CSMD1: variants seen among roughly 807,000 people sequenced by gnomAD.
CSMD1 encodes CUB and sushi domain-containing protein 1.
CSMD1 carries 213 observed loss-of-function variants against 417.5 expected under a neutral mutation model. The ratio of observed to expected loss-of-function variants is 0.51; its 90% CI spans 0.46 to 0.57. The LOEUF (loss-of-function observed/expected upper bound fraction) is 0.57, where lower values mean the gene tolerates loss of function less well. CSMD1 is among the 20% of genes least tolerant of loss of function. CSMD1 has a pLI of 0.00. For missense variants in CSMD1, 6,923 were observed against 4,529.7 expected (o/e 1.53, Z -15.17); for synonymous variants, 2,862 against 1,736.8 (o/e 1.65, Z -16.11).
chr8:4,350,264 C>T (rs188550852), intron 3 of CSMD1, among the ~76,000 whole-genome samples: 2 of 152,152 alleles, frequency 1.3e-5, no homozygotes, highest in African/African-American at 4.8e-5. Flanking sequence ...GGAAGCCTCA[C>T]TCTAGGGGAC....
At chr8:4,172,152 G>A (rs952038753) in intron 3 of CSMD1, among the ~76,000 whole-genome samples, 2 of 152,050 alleles carry the variant, frequency 1.3e-5, no homozygotes, top group Admixed American at 1.3e-4. Flanking sequence ...TGAAAAGATG[G>A]ACCTAAGAGA....
At chr8:3,069,878 G>A (rs908573879) in intron 49 of CSMD1, among the ~76,000 whole-genome samples, 9 of 152,220 alleles carry the variant, frequency 5.9e-5, no homozygotes, top group Admixed American at 2.6e-4. Context: ...TGGATACCCA[G>A]GGTTTTTCAT....
intron 5 of CSMD1, among the ~76,000 whole-genome samples, chr8:3,954,170 T>TTC (rs1220892670): frequency 5.3e-5 from 8 of 152,082 alleles, no homozygotes; most frequent in Admixed American, 1.3e-4. Context: ...ACTTCAGCCC[T>TTC]TGCATCCTCA....
intron 1 of CSMD1, among the ~76,000 whole-genome samples, chr8:4,972,707 G>A (rs578076834): frequency 7.0e-6 from 1 of 142,170 alleles, no homozygotes; most frequent in Non-Finnish European, 1.6e-5. Flanking sequence ...TAAAACTTTT[G>A]CTTTAGGTAA....
chr8:4,232,380 G>C (rs1012690149), intron 3 of CSMD1, among the ~76,000 whole-genome samples: 1 of 152,066 alleles, frequency 6.6e-6, no homozygotes, highest in South Asian at 2.1e-4. Flanking sequence ...TGTATTCTTA[G>C]TAGAGACGGG....
intron 52 of CSMD1, among the ~76,000 whole-genome samples, chr8:3,008,183 G>T (rs981014252): frequency 3.9e-5 from 6 of 152,168 alleles, no homozygotes; most frequent in Admixed American, 1.3e-4. Context: ...CAGGAAGAAG[G>T]CTCGAGAGGG....
intron 7 of CSMD1, among the ~76,000 whole-genome samples, chr8:3,680,334 A>G (rs1051374907): frequency 6.6e-6 from 1 of 152,218 alleles, no homozygotes; most frequent in Admixed American, 6.5e-5. Context: ...AATAGACGCA[A>G]TAAAAAATGA....
intron 12 of CSMD1, among the ~76,000 whole-genome samples, chr8:3,443,181 G>T (rs1043475125): frequency 1.3e-5 from 2 of 152,318 alleles, no homozygotes; most frequent in Non-Finnish European, 2.9e-5. Flanking sequence ...GCAAAAAAAT[G>T]TGAGAGGATA....
chr8:4,241,108 C>A (rs528008552), intron 3 of CSMD1, among the ~76,000 whole-genome samples: 1 of 152,134 alleles, frequency 6.6e-6, no homozygotes, highest in South Asian at 2.1e-4. Flanking sequence ...ATCCTCTAAA[C>A]CTGTGTTTCA....
At chr8:4,934,293 A>C (rs1381047567) in intron 1 of CSMD1, among the ~76,000 whole-genome samples, 1 of 152,194 alleles carries the variant, frequency 6.6e-6, no homozygotes, top group East Asian at 1.9e-4. Context: ...CATCCAACAT[A>C]CAGTTGTCCA....
In CSMD1 at chr8:3,586,227, G is replaced by A. The variant is rs751327411; in HGVS notation, c.1131C>T (p.Asp377=). ...VGANVQFSCE[D]NYVLQGSKSI... ...TTTTAGATCCCTGGAGCACGTAATT[G>A]TCCTCACATGAAAACTGTACATTTG... Residue 377 remains aspartate, a synonymous_variant, in exon 9 of 70, where the codon GAC becomes GAT. Coordinates refer to ENST00000635120, the MANE Select transcript of CSMD1 (RefSeq NM_033225.6). 1.2e-6 allele frequency: 2 copies of A among 1,610,042 alleles called. No homozygotes were observed. Among genetic ancestry groups the A allele is most frequent in the South Asian group, 1.1e-5 (1 of 90,762 alleles).
intron 2 of CSMD1, among the ~76,000 whole-genome samples, chr8:4,569,241 T>C (rs945114035): frequency 1.3e-5 from 2 of 152,218 alleles, no homozygotes; most frequent in Admixed American, 6.5e-5. Context: ...TGAATGGTAT[T>C]GCCTAGGTTT....
intron 5 of CSMD1, among the ~76,000 whole-genome samples, chr8:3,882,062 A>G (rs1806241282): frequency 6.6e-6 from 1 of 152,218 alleles, no homozygotes; most frequent in African/African-American, 2.4e-5. Context: ...GAAAAAACAT[A>G]TCAATAGTCT....
chr8:3,622,857 G>T (rs1452230985), intron 7 of CSMD1, among the ~76,000 whole-genome samples: 1 of 152,158 alleles, frequency 6.6e-6, no homozygotes, highest in Non-Finnish European at 1.5e-5. Flanking sequence ...AAAGAATCAT[G>T]GAGATGAAAC....
chr8:4,519,185 T>C (rs1815567925), intron 2 of CSMD1, among the ~76,000 whole-genome samples: 1 of 152,152 alleles, frequency 6.6e-6, no homozygotes, highest in African/African-American at 2.4e-5. Flanking sequence ...CAGGATTCCC[T>C]AATAAATTAC....
At chr8:2,992,184 CACACATGCACACATACAT>C (rs1563213887) in intron 54 of CSMD1, among the ~76,000 whole-genome samples, 2 of 89,642 alleles carry the variant, frequency 2.2e-5, no homozygotes, top group African/African-American at 2.4e-4. Flanking sequence ...CACATGAACA[CACACATGCACACATACAT>C]ACACACATGC....
intron 1 of CSMD1, among the ~76,000 whole-genome samples, chr8:4,690,866 C>G (rs918791447): frequency 1.3e-5 from 2 of 152,122 alleles, no homozygotes; most frequent in Non-Finnish European, 2.9e-5. Context: ...GCAGCTGGGA[C>G]TATAGGTGCA....
At chr8:3,017,806 TAAAAAAAAAAAA>T (rs777717027) in intron 52 of CSMD1, among the ~76,000 whole-genome samples, 12 of 76,484 alleles carry the variant, frequency 1.6e-4, no homozygotes, top group African/African-American at 3.3e-4. Flanking sequence ...TTGAGTGATT[TAAAAAAAAAAAA>T]AAAAAAAAAA....
chr8:4,011,890 A>G lies in CSMD1; in HGVS notation c.611-13780T>C, dbSNP rs538816448. The stretch of plus-strand genomic sequence containing the variant: ...CCACAATGCTCAAGTCCCTTATATA[A>G]AATGGAATTTTATTTGCATATAACT... On this transcript the variant is annotated intron_variant, in intron 4 of 69. Coordinates refer to ENST00000635120, the MANE Select transcript of CSMD1 (RefSeq NM_033225.6). Among the ~76,000 whole-genome samples the G allele has an allele frequency of 3.9e-5, 6 of 152,226 alleles. No homozygotes were observed. In the East Asian group the frequency reaches 9.7e-4, roughly 24 times the overall value.
Sources: gnomAD v4.1 joint callset for allele counts (sites outside exome capture counted in the v4.1 genomes callset) on GRCh38, gnomAD v4.1.1 for gene constraint, MANE v1.5 for transcripts, NCBI Gene and HGNC (gene_info 2026-07-23, HGNC 2026-07-21) for gene names.